The following SLC1A7 variants were observed in gnomAD, a reference collection of about 807,000 sequenced individuals.
SLC1A7 encodes the protein excitatory amino acid transporter 5.
A neutral mutation model predicts 47.7 loss-of-function variants in SLC1A7; 40 were observed. The ratio of observed to expected loss-of-function variants is 0.84; its 90% CI spans 0.65 to 1.09. SLC1A7 has a LOEUF of 1.09. Ranked by LOEUF, SLC1A7 falls within the 50% of genes least tolerant of loss-of-function variation. The probability of loss-of-function intolerance (pLI) is 0.00; values close to 1 mark genes in which losing one functional copy is unlikely to be tolerated. For synonymous variants in SLC1A7, 323 were observed against 325.6 expected (o/e 0.99, Z 0.09); for missense variants, 746 against 769.5 (o/e 0.97, Z 0.36).
At position 53,103,586 on chromosome 1, in the gene SLC1A7, A is replaced by T; in HGVS notation, c.475-18T>A. Reference sequence around the variant, plus strand: ...GTGCGGTACTGGTGGGTGACACCCCACCCAGAGAGAAGTCAGGGCCAAGGG... The same window carrying T: ...GTGCGGTACTGGTGGGTGACACCCCTCCCAGAGAGAAGTCAGGGCCAAGGG... On this transcript the variant is annotated intron_variant, in intron 4 of 10. Transcript: ENST00000371494. The T allele has an allele frequency of 6.7e-7, 1 of 1,503,614 alleles. No individual in the cohort carries two copies. Among genetic ancestry groups the T allele is most frequent in the Non-Finnish European group, 9.0e-7 (1 of 1,111,284 alleles). 93.1% of individuals were successfully genotyped at this position (1,503,614 alleles called of 1,614,324 possible). A position where few individuals can be genotyped will look rare whatever the true frequency, so the allele number is the denominator to read the frequency against.
chr1:53,136,542 A>AT (rs1330194798), intron 1 of SLC1A7, among the ~76,000 whole-genome samples: 5 of 73,530 alleles, frequency 6.8e-5, no homozygotes, highest in Middle Eastern at 6.0e-3. Context: ...ATAAACATAT[A>AT]TATAATATAT....
chr1:53,097,032 TTGG>T (rs1394844318), intron 5 of SLC1A7, among the ~76,000 whole-genome samples: 2 of 147,412 alleles, frequency 1.4e-5, no homozygotes, highest in Non-Finnish European at 3.0e-5. Context: ...ACACACTGTC[TTGG>T]TGCACTCAAC....
intron 10 of SLC1A7, 132 bp from the exon 11 acceptor site, chr1:53,088,359 G>GT: frequency 1.4e-6 from 1 of 727,164 alleles, no homozygotes; most frequent in Non-Finnish European, 2.2e-6. Context: ...CAGACACGCT[G>GT]TGTGACCTCG....
chr1:53,117,789 C>T (rs544310281), intron 2 of SLC1A7, among the ~76,000 whole-genome samples: 7 of 152,222 alleles, frequency 4.6e-5, no homozygotes. Flanking sequence ...GGCGCCAACT[C>T]AGGGACAGAT....
At chr1:53,136,918 A>C (rs1023392246) in intron 1 of SLC1A7, among the ~76,000 whole-genome samples, 1 of 151,310 alleles carries the variant, frequency 6.6e-6, no homozygotes, top group African/African-American at 2.4e-5. Flanking sequence ...CCTCCCAGCT[A>C]GGCCTCCCAA....
At chr1:53,135,223 C>T (rs1258048904) in intron 1 of SLC1A7, among the ~76,000 whole-genome samples, 1 of 152,186 alleles carries the variant, frequency 6.6e-6, no homozygotes, top group Non-Finnish European at 1.5e-5. Context: ...GAGCCGAGTA[C>T]TGTTCATGCA....
At chr1:53,105,671 G>T in intron 4 of SLC1A7, 61 bp downstream of exon 4, 1 of 1,299,588 alleles carries the variant, frequency 7.7e-7, no homozygotes, top group Non-Finnish European at 1.1e-6. Context: ...CACTAGCCCT[G>T]CTGCCTGCCC....
chr1:53,095,803 C>T (rs938339120), intron 5 of SLC1A7, among the ~76,000 whole-genome samples: 1 of 148,356 alleles, frequency 6.7e-6, no homozygotes, highest in African/African-American at 2.5e-5. Flanking sequence ...GTACATTCAC[C>T]CCGACTTGGT....
chr1:53,111,862 A>G (rs1414367357), intron 3 of SLC1A7, among the ~76,000 whole-genome samples: 2 of 152,102 alleles, frequency 1.3e-5, no homozygotes, highest in African/African-American at 4.8e-5. Context: ...CACAGAACAG[A>G]CCCTGCCTGG....
At chr1:53,102,268 TCTG>T (rs1644592153) in intron 5 of SLC1A7, 1 of 152,330 alleles carries the variant, frequency 6.6e-6, no homozygotes, top group African/African-American at 2.4e-5. Context: ...CCCTACCAGG[TCTG>T]CTGAGTGCCT....
At chr1:53,096,309 A>G (rs542263233) in intron 5 of SLC1A7, among the ~76,000 whole-genome samples, 274 of 137,034 alleles carry the variant, frequency 2.0e-3, no homozygotes, top group African/African-American at 7.3e-3. Flanking sequence ...GTCTCGGTAA[A>G]CTCACCCCAT....
At chr1:53,107,055 C>G (rs1001580775) in intron 3 of SLC1A7, among the ~76,000 whole-genome samples, 3 of 146,736 alleles carry the variant, frequency 2.0e-5, no homozygotes, top group African/African-American at 7.6e-5. Context: ...ACTCAGGAGG[C>G]TGAGGCTGCA....
chr1:53,090,529 A>G, intron 8 of SLC1A7, 83 bp downstream of exon 8: 1 of 1,452,280 alleles, frequency 6.9e-7, no homozygotes, highest in Non-Finnish European at 9.1e-7. Flanking sequence ...CTCGCTTCAG[A>G]TACCCCTCAA....
chr1:53,089,748 C>A, intron 9 of SLC1A7, 52 bp downstream of exon 9: 3 of 1,595,512 alleles, frequency 1.9e-6, no homozygotes, highest in Non-Finnish European at 2.6e-6. Context: ...CCCTGCTGAC[C>A]CTGAAGTCAG....
intron 6 of SLC1A7, among the ~76,000 whole-genome samples, chr1:53,093,191 G>T (rs888223450): frequency 6.6e-6 from 1 of 152,210 alleles, no homozygotes; most frequent in Admixed American, 6.5e-5. Context: ...AGCTGATAAG[G>T]CTCCATGTGA....
In SLC1A7 at chr1:53,088,172, T is replaced by G; in HGVS notation, c.1520A>C (p.Gln507Pro). Reference sequence around the variant, plus strand: ...TACACTCTTCACACAGCCATTCTGCTGGGCTGCCACGATCTCCTGGAGGCT... The same window carrying G: ...TACACTCTTCACACAGCCATTCTGCGGGGCTGCCACGATCTCCTGGAGGCT... ...PVSLQEIVAA[Q>P]QNGCVKSVAE... Residue 507 changes from glutamine (Q) to proline (P), a missense_variant, in exon 11 of 11, where the codon CAG (glutamine) becomes CCG (proline). Physicochemically the swap from Gln to Pro is moderately conservative, Grantham distance 76. Transcript: ENST00000371494. 1.2e-6 allele frequency: 2 copies of G among 1,613,578 alleles called. No individual in the cohort carries two copies. Among genetic ancestry groups the G allele is most frequent in the Non-Finnish European group, 1.7e-6 (2 of 1,179,726 alleles).
Position 53,093,340 on chromosome 1 carries a change from G to A in SLC1A7, c.797+121C>T, listed in dbSNP as rs185381888. 6.8e-5 allele frequency: 56 copies of A among 822,796 alleles called. 1 individual carries two copies. In the Admixed American group the frequency reaches 9.6e-4, roughly 14 times the overall value. 51.0% of individuals were successfully genotyped at this position (822,796 alleles called of 1,614,324 possible). A position where few individuals can be genotyped will look rare whatever the true frequency, so the allele number is the denominator to read the frequency against. On this transcript the variant is annotated intron_variant, in intron 6 of 10. Coordinates refer to ENST00000371494, the MANE Select transcript of SLC1A7 (RefSeq NM_006671.6). ...AACACATGTAGCTCCGGAGGCCCCG[G>A]CCCAGGGCTGAGCCTGGGCACAGCT...
intron 4 of SLC1A7, 183 bp from the exon 5 acceptor site, chr1:53,103,751 A>C: frequency 1.9e-6 from 1 of 524,098 alleles, no homozygotes. Flanking sequence ...AGAAAGCTGC[A>C]ACTCCTTCCT....
At chr1:53,112,591 C>G (rs1040717366) in intron 3 of SLC1A7, among the ~76,000 whole-genome samples, 2 of 152,216 alleles carry the variant, frequency 1.3e-5, no homozygotes, top group Non-Finnish European at 2.9e-5. Flanking sequence ...CAACCTTAAG[C>G]CAAGAGAACT....
Sources: gnomAD v4.1 joint callset for allele counts (sites outside exome capture counted in the v4.1 genomes callset) on GRCh38, gnomAD v4.1.1 for gene constraint, MANE v1.5 for transcripts, NCBI Gene and HGNC (gene_info 2026-07-23, HGNC 2026-07-21) for gene names.